The following SLC6A16 variants were observed in gnomAD, a reference collection of about 807,000 sequenced individuals.
SLC6A16 encodes the protein solute carrier family 6 member 16.
In SLC6A16, 54 loss-of-function variants were observed where a neutral mutation model predicts 65.4. The ratio of observed to expected loss-of-function variants is 0.83; its 90% CI spans 0.66 to 1.04. The LOEUF is 1.04. SLC6A16 is among the 50% of genes least tolerant of loss of function. SLC6A16 has a pLI of 0.00. For synonymous variants in SLC6A16, 330 were observed against 346.5 expected (o/e 0.95, Z 0.53); for missense variants, 816 against 914.0 (o/e 0.89, Z 1.38).
At chr19:49,305,369 A>G (rs1458762978) in intron 7 of SLC6A16, among the ~76,000 whole-genome samples, 1 of 152,136 alleles carries the variant, frequency 6.6e-6, no homozygotes, top group East Asian at 1.9e-4. Flanking sequence ...AGGTGGGTGG[A>G]TCACTTGAGG....
At chr19:49,325,915 G>A (rs748734389), upstream of SLC6A16, among the ~76,000 whole-genome samples, 2 of 152,006 alleles carry the variant, frequency 1.3e-5, no homozygotes, top group African/African-American at 4.8e-5. Flanking sequence ...TGTAATCCCA[G>A]CACTTTGGGA....
Position 49,290,359 on chromosome 19 carries a change from C to T in SLC6A16, c.1975G>A (p.Ala659Thr), listed in dbSNP as rs1568521988. ...KEVLRPYPPW[A>T]LLLMITLFAI... Reference sequence around the variant, plus strand: ...AAAAGGGTGATCATCAAGAGCAGTGCCCACGGTGGGTATGGTCGAAGCACC... The same window carrying T: ...AAAAGGGTGATCATCAAGAGCAGTGTCCACGGTGGGTATGGTCGAAGCACC... The change falls in exon 12 of 12, where the codon GCA becomes ACA. Residue 659 changes from alanine to threonine, a missense_variant. Physicochemically the swap from Ala to Thr is moderately conservative, Grantham distance 58. Transcript: ENST00000335875. The T allele has an allele frequency of 6.2e-7, 1 of 1,613,722 alleles. No homozygotes were observed. The highest frequency in any genetic ancestry group is 8.5e-7 in the Non-Finnish European group (1 of 1,179,868).
At chr19:49,337,988 G>C in the SLC6A16 span, 1 of 1,614,086 alleles carries the variant, frequency 6.2e-7, no homozygotes, top group East Asian at 2.2e-5. Context: ...CAACCCCGAG[G>C]AGACCGCGGC....
chr19:49,316,288 A>G (rs1000924309), intron 1 of SLC6A16, among the ~76,000 whole-genome samples: 1 of 152,182 alleles, frequency 6.6e-6, no homozygotes, highest in African/African-American at 2.4e-5. Context: ...GTTCTACTAG[A>G]TTGCAAGCCC....
the SLC6A16 span, among the ~76,000 whole-genome samples, chr19:49,330,327 A>G: frequency 6.6e-6 from 1 of 152,192 alleles, no homozygotes; most frequent in Admixed American, 6.5e-5. Flanking sequence ...AATCTTCCTG[A>G]GTCCGCAGTT....
chr19:49,326,006 CA>C (rs750920453), upstream of SLC6A16, among the ~76,000 whole-genome samples: 658 of 133,014 alleles, frequency 4.9e-3, no homozygotes, highest in African/African-American at 5.0e-3. Flanking sequence ...TACTAAAAGT[CA>C]AAAAAAAAAA....
chr19:49,303,718 G>A (rs770211426), intron 7 of SLC6A16, among the ~76,000 whole-genome samples: 1 of 151,592 alleles, frequency 6.6e-6, no homozygotes, highest in Admixed American at 6.6e-5. Flanking sequence ...CTCATCTAAC[G>A]CCCTTCAGTC....
the SLC6A16 span, chr19:49,340,199 C>G: frequency 6.5e-7 from 1 of 1,543,210 alleles, no homozygotes; most frequent in Non-Finnish European, 8.9e-7. Flanking sequence ...GCATCACCCC[C>G]GTCTCGCCAG....
At chr19:49,301,608 C>A (rs960834658) in intron 7 of SLC6A16, among the ~76,000 whole-genome samples, 2 of 152,244 alleles carry the variant, frequency 1.3e-5, no homozygotes, top group African/African-American at 4.8e-5. Context: ...AGGAACCAAG[C>A]AGCTTTCACA....
chr19:49,301,558 T>C (rs1970293039), intron 7 of SLC6A16, among the ~76,000 whole-genome samples: 1 of 152,192 alleles, frequency 6.6e-6, no homozygotes, highest in African/African-American at 2.4e-5. Context: ...AAGGACACCT[T>C]GGTGTTACCA....
intron 1 of SLC6A16, among the ~76,000 whole-genome samples, chr19:49,322,600 C>T (rs1038587637): frequency 2.8e-5 from 4 of 145,312 alleles, no homozygotes; most frequent in Non-Finnish European, 6.0e-5. Flanking sequence ...CACCATTGCA[C>T]TCCAACCTGG....
At position 49,293,232 on chromosome 19, in the gene SLC6A16, C is replaced by T; in HGVS notation, c.1769G>A (p.Gly590Glu). The change falls in exon 10 of 12, where the codon GGG becomes GAG. Residue 590 changes from glycine (G) to glutamate (E), a missense_variant. Physicochemically the swap from Gly to Glu is moderately conservative, Grantham distance 98. Coordinates refer to ENST00000335875, the MANE Select transcript of SLC6A16 (RefSeq NM_014037.3). ...GGGCTTAGGACATCACCTCCTGGCC[C>T]CATAGGCCCAGGATACAGCCATGGT... is the stretch of plus-strand genomic sequence containing the variant. The part of the protein sequence containing the change: ...FETMAVSWAY[G>E]ARRFLADLTI... 6.2e-7 allele frequency: 1 copy of T among 1,614,076 alleles called. No individual in the cohort carries two copies. Among genetic ancestry groups the T allele is most frequent in the Non-Finnish European group, 8.5e-7 (1 of 1,180,002 alleles).
intron 5 of SLC6A16, 50 bp from the exon 6 acceptor site, chr19:49,309,461 C>A (rs1202608622): frequency 2.1e-6 from 3 of 1,453,782 alleles, no homozygotes; most frequent in Non-Finnish European, 2.9e-6. Flanking sequence ...TAGGGGTCAA[C>A]CAACAGTTAG....
the SLC6A16 span, chr19:49,331,932 T>C: frequency 1.1e-5 from 5 of 453,770 alleles, no homozygotes; most frequent in East Asian, 6.9e-5. Flanking sequence ...TGGTTAATCA[T>C]GTACTCATCT....
chr19:49,338,625 CCATCA>C, the SLC6A16 span: 3 of 1,090,058 alleles, frequency 2.8e-6, no homozygotes, highest in Non-Finnish European at 4.2e-6. The surrounding 1 kb of genome is among the most constrained non-coding windows in gnomAD (Gnocchi z 5.0). Flanking sequence ...GACCTCATAC[CCATCA>C]CCTTGTCCCC....
At chr19:49,318,077 G>A (rs1259088301) in intron 1 of SLC6A16, among the ~76,000 whole-genome samples, 1 of 152,144 alleles carries the variant, frequency 6.6e-6, no homozygotes, top group Non-Finnish European at 1.5e-5. Context: ...GGGAGCCACA[G>A]AGAAAGAGCT....
intron 7 of SLC6A16, among the ~76,000 whole-genome samples, chr19:49,294,836 G>A (rs1255238593): frequency 2.0e-5 from 3 of 151,960 alleles, no homozygotes; most frequent in Admixed American, 6.6e-5. Context: ...TTTCTTATAC[G>A]CTGTCTACCT....
At position 49,308,858 on chromosome 19, in the gene SLC6A16, C is replaced by T. The variant is rs1449764052; in HGVS notation, c.1229+18G>A. Reference sequence around the variant, plus strand: ...AGTTCCCTGGAGCTGAGACCCTTAACAAAGGGGCCGGCCTTACCTCTCACA... The same window carrying T: ...AGTTCCCTGGAGCTGAGACCCTTAATAAAGGGGCCGGCCTTACCTCTCACA... On this transcript the variant is annotated intron_variant, in intron 7 of 11. Transcript: ENST00000335875. 1.2e-6 allele frequency: 2 copies of T among 1,613,426 alleles called. No homozygotes were observed. Among genetic ancestry groups the T allele is most frequent in the Admixed American group, 1.7e-5 (1 of 60,006 alleles).
At chr19:49,308,041 C>A (rs943233518) in intron 7 of SLC6A16, among the ~76,000 whole-genome samples, 1 of 150,928 alleles carries the variant, frequency 6.6e-6, no homozygotes, top group African/African-American at 2.4e-5. Context: ...GGAATTAATG[C>A]CTAAAAATAA....
Sources: allele counts gnomAD v4.1 joint callset (sites outside exome capture counted in the v4.1 genomes callset), GRCh38; gene constraint gnomAD v4.1.1; non-coding constraint Gnocchi (gnomAD v3.1); transcripts MANE v1.5; gene names NCBI Gene and HGNC (gene_info 2026-07-23, HGNC 2026-07-21).